DNAH9: variants seen among roughly 807,000 people sequenced by gnomAD.
DNAH9 encodes dynein axonemal heavy chain 9, also known as DNAH9 variant protein.
DNAH9 carries 345 observed loss-of-function variants against 471.6 expected under a neutral mutation model. That is an observed-to-expected ratio of 0.73 (90% CI 0.67 to 0.80). The LOEUF (loss-of-function observed/expected upper bound fraction) is 0.80. DNAH9 is among the 30% of genes least tolerant of loss of function. The pLI is 0.00. For missense variants in DNAH9, 5,407 were observed against 5,609.2 expected (o/e 0.96, Z 1.15); for synonymous variants, 2,093 against 2,123.6 (o/e 0.99, Z 0.40).
At chr17:11,827,837 C>A (rs1970549614) in intron 48 of DNAH9, among the ~76,000 whole-genome samples, 1 of 152,128 alleles carries the variant, frequency 6.6e-6, no homozygotes, top group African/African-American at 2.4e-5. Flanking sequence ...AGGCATGCGC[C>A]ACCACACCCG....
intron 50 of DNAH9, among the ~76,000 whole-genome samples, chr17:11,856,772 A>G (rs961252007): frequency 1.3e-5 from 2 of 152,138 alleles, no homozygotes; most frequent in Non-Finnish European, 2.9e-5. Flanking sequence ...TATAATGCAC[A>G]TGTTCATGGA....
chr17:11,675,731 A>G (rs2074038523), intron 17 of DNAH9, among the ~76,000 whole-genome samples: 1 of 152,310 alleles, frequency 6.6e-6, no homozygotes, highest in South Asian at 2.1e-4. Context: ...AGTGGTGAAC[A>G]TATTATTTGG....
At chr17:11,618,192 T>C (rs1023692943) in intron 5 of DNAH9, among the ~76,000 whole-genome samples, 1 of 152,218 alleles carries the variant, frequency 6.6e-6, no homozygotes, top group Non-Finnish European at 1.5e-5. Context: ...CCATAAGCTA[T>C]TGAGAAGCAG....
chr17:11,768,909 G>A (rs925126457), intron 37 of DNAH9, among the ~76,000 whole-genome samples: 3 of 152,112 alleles, frequency 2.0e-5, no homozygotes, highest in African/African-American at 4.8e-5. Flanking sequence ...AGAGGAGAGC[G>A]GGGAAGCTCT....
intron 57 of DNAH9, among the ~76,000 whole-genome samples, chr17:11,889,093 TTAA>T (rs1412234833): frequency 1.3e-5 from 2 of 152,156 alleles, no homozygotes; most frequent in African/African-American, 4.8e-5. Flanking sequence ...AAGGCAAAGG[TTAA>T]TAAGACACAT....
rs1264551772 is a variant in DNAH9 at position 11,834,789 on chromosome 17, C to T, written c.9398C>T (p.Ala3133Val). 1.2e-6 allele frequency: 2 copies of T among 1,614,030 alleles called. No homozygotes were observed. The highest frequency in any genetic ancestry group is 3.3e-5 in the Admixed American group (2 of 59,986). Residue 3133 changes from alanine (A) to valine (V), a missense_variant, in exon 49 of 69, where the codon GCC (alanine) becomes GTC (valine). By Grantham distance (64) the Ala-to-Val change is moderately conservative. Around this residue, in one of 3 missense-constraint regions of DNAH9, gnomAD observed 4,636 missense variants for 4,900.3 expected, o/e 0.95. Coordinates refer to ENST00000262442, the MANE Select transcript of DNAH9 (RefSeq NM_001372.4). ...GCAGATGAAGAGGAGCAGAAGGTGG[C>T]CGTCATCATGCTAGAGGTGAAACAG... ...AMADEEEQKV[A>V]VIMLEVKQKQ...
chr17:11,640,183 GTGGAGTACT>G lies in DNAH9; in HGVS notation c.1787-83_1787-75del. ...TTAGTCTGGAGATAATGAGGCAAAA[GTGGAGTACT>G]TGGTGGGAGGTGTTTGCCGAGCGGA... On this transcript the variant is annotated intron_variant, in intron 9 of 68. Coordinates refer to ENST00000262442, the MANE Select transcript of DNAH9 (RefSeq NM_001372.4). 20 of 747,740 alleles carry G rather than the reference GTGGAGTACT, an allele frequency of 2.7e-5. No individual in the cohort carries two copies. The South Asian group carries it at 3.3e-4, about 12-fold the overall frequency. 46.3% of individuals were successfully genotyped at this position (747,740 alleles called of 1,614,324 possible).
intron 10 of DNAH9, among the ~76,000 whole-genome samples, chr17:11,642,738 T>C (rs2073301095): frequency 6.6e-6 from 1 of 152,200 alleles, no homozygotes; most frequent in African/African-American, 2.4e-5. Context: ...CATTCTTTTC[T>C]AGATACAAAA....
chr17:11,775,909 T>C (rs1295706370), intron 38 of DNAH9, among the ~76,000 whole-genome samples: 1 of 152,200 alleles, frequency 6.6e-6, no homozygotes, highest in African/African-American at 2.4e-5. Context: ...TGTTCTTTTA[T>C]AGAGGAGGCA....
intron 8 of DNAH9, among the ~76,000 whole-genome samples, chr17:11,633,687 T>C (rs960455974): frequency 1.3e-5 from 2 of 152,210 alleles, no homozygotes; most frequent in Non-Finnish European, 2.9e-5. Flanking sequence ...AAAATGATCA[T>C]GTATGCTATT....
intron 30 of DNAH9, among the ~76,000 whole-genome samples, chr17:11,744,405 G>A (rs939895537): frequency 6.6e-6 from 1 of 152,144 alleles, no homozygotes; most frequent in Non-Finnish European, 1.5e-5. Flanking sequence ...CCCATAGAAT[G>A]TGAAGGCCTC....
intron 53 of DNAH9, among the ~76,000 whole-genome samples, chr17:11,878,258 AC>A (rs1972584176): frequency 6.6e-6 from 1 of 152,058 alleles, no homozygotes; most frequent in Non-Finnish European, 1.5e-5. Context: ...ATGTCCATTA[AC>A]TACTTTCCTG....
Position 11,669,726 on chromosome 17 carries a change from T to C in DNAH9, c.3285T>C (p.Ser1095=), listed in dbSNP as rs1219104188. 6.2e-7 allele frequency: 1 copy of C among 1,614,086 alleles called. No individual in the cohort carries two copies. Among genetic ancestry groups the C allele is most frequent in the Non-Finnish European group, 8.5e-7 (1 of 1,180,016 alleles). ...TTGATATTCGACCCTTTAAGGCATC[T>C]CTGCTGAATATTATTAAGAGGTGGA... ...MKIDIRPFKA[S]LLNIIKRWSL... is the part of the protein sequence containing the mutation. The change falls in exon 17 of 69, where the codon TCT becomes TCC. Residue 1095 remains serine (S), a synonymous_variant. Coordinates refer to ENST00000262442, the MANE Select transcript of DNAH9 (RefSeq NM_001372.4).
chr17:11,797,847 A>G, intron 43 of DNAH9, 54 bp downstream of exon 43: 7 of 1,559,096 alleles, frequency 4.5e-6, no homozygotes, highest in Non-Finnish European at 6.1e-6. Flanking sequence ...TCCCAATGAC[A>G]GGGGTCTCAT....
intron 41 of DNAH9, among the ~76,000 whole-genome samples, chr17:11,792,870 C>T (rs980604353): frequency 3.9e-5 from 6 of 152,100 alleles, no homozygotes; most frequent in African/African-American, 7.2e-5. Context: ...TGAAATGGGG[C>T]GTGTTTTCTC....
At chr17:11,735,768 A>G (rs1753945657) in intron 28 of DNAH9, among the ~76,000 whole-genome samples, 1 of 152,150 alleles carries the variant, frequency 6.6e-6, no homozygotes, top group Non-Finnish European at 1.5e-5. Flanking sequence ...TATTTTGTGG[A>G]AAGTATGCCT....
At chr17:11,634,984 G>A (rs1204151551) in intron 8 of DNAH9, among the ~76,000 whole-genome samples, 5 of 152,170 alleles carry the variant, frequency 3.3e-5, no homozygotes, top group South Asian at 2.1e-4. Flanking sequence ...TTAGACAAAT[G>A]CAGACTGTTC....
At position 11,886,877 on chromosome 17, in the gene DNAH9, A is replaced by G. The variant is rs1567876470; in HGVS notation, c.11024A>G (p.Tyr3675Cys). The change falls in exon 57 of 69, where the codon TAC (tyrosine) becomes TGC (cysteine). Residue 3675 changes from tyrosine to cysteine, a missense_variant. By Grantham distance (194) the Tyr-to-Cys change is radical. Coordinates refer to ENST00000262442, the MANE Select transcript of DNAH9 (RefSeq NM_001372.4). Reference sequence around the variant, plus strand: ...AAAATCAACGAGGCCCGAGAGCACTACCGGCCAGCAGCTGCCAGGGCCTCA... The same window carrying G: ...AAAATCAACGAGGCCCGAGAGCACTGCCGGCCAGCAGCTGCCAGGGCCTCA... ...EVKINEAREHYRPAAARASLL... is the reference protein window; with the variant it reads ...EVKINEAREHCRPAAARASLL... The G allele has an allele frequency of 6.2e-7, 1 of 1,612,962 alleles. No homozygotes were observed.
chr17:11,938,950 C>T (rs1244343581), intron 66 of DNAH9, among the ~76,000 whole-genome samples: 1 of 152,082 alleles, frequency 6.6e-6, no homozygotes, highest in Non-Finnish European at 1.5e-5. Context: ...AGTAAACATC[C>T]TTGGGAAGAT....
Sources: allele counts gnomAD v4.1 joint callset (sites outside exome capture counted in the v4.1 genomes callset), GRCh38; gene constraint gnomAD v4.1.1; regional missense constraint gnomAD v4.1.1; transcripts MANE v1.5; gene names NCBI Gene and HGNC (gene_info 2026-07-23, HGNC 2026-07-21).